SNX31: variants seen among roughly 807,000 people sequenced by gnomAD.
SNX31 encodes the protein sorting nexin-31.
A neutral mutation model predicts 65.4 loss-of-function variants in SNX31; 58 were observed. The observed-to-expected ratio is 0.89, with a 90% CI of 0.72 to 1.10. SNX31 has a LOEUF of 1.10. Ranked by LOEUF, SNX31 falls within the 50% of genes least tolerant of loss-of-function variation. The probability of loss-of-function intolerance (pLI) is 0.00; values close to 1 mark genes in which losing one functional copy is unlikely to be tolerated. For synonymous variants in SNX31, 181 were observed against 190.1 expected, an observed-to-expected ratio of 0.95 and a Z score of 0.39; for missense variants, 523 against 529.7, an observed-to-expected ratio of 0.99 and a Z score of 0.12.
exon 1 of SNX31, chr8:100,663,172 A>T (rs971575214): frequency 4.6e-5 from 7 of 152,202 alleles, no homozygotes; most frequent in African/African-American, 1.7e-4. Flanking sequence ...TACTTGAACG[A>T]CGGGACCATC....
intron 1 of SNX31, among the ~76,000 whole-genome samples, chr8:100,662,675 C>A (rs1235896579): frequency 5.3e-5 from 8 of 152,102 alleles, no homozygotes; most frequent in Non-Finnish European, 1.2e-4. Context: ...CCAGCCTAGG[C>A]CACAGAGCAA....
At chr8:100,583,123 T>G (rs1813706933) in intron 12 of SNX31, among the ~76,000 whole-genome samples, 1 of 151,938 alleles carries the variant, frequency 6.6e-6, no homozygotes, top group South Asian at 2.1e-4. Flanking sequence ...TTTTTTTTTT[T>G]TAAGATGGAG....
rs1818079454 is a variant in SNX31, at chr8:100,626,973, T to C, written c.321+3354A>G. Among the ~76,000 whole-genome samples the C allele has an allele frequency of 6.6e-6, 1 of 152,140 alleles. No individual in the cohort carries two copies. The highest frequency in any genetic ancestry group is 1.9e-4 in the East Asian group (1 of 5,196). On this transcript the variant is annotated intron_variant, in intron 4 of 13. Coordinates refer to ENST00000311812, the MANE Select transcript of SNX31 (RefSeq NM_152628.4). This position sits in a 1 kb window ranked among gnomAD's most constrained non-coding sequence, Gnocchi z 4.4. Reference sequence around the variant, plus strand: ...AGGCACTGAAAAACACAGCTAGAGGTATAAGGCTTTTGTATGAAGTCACAA... The same window carrying C: ...AGGCACTGAAAAACACAGCTAGAGGCATAAGGCTTTTGTATGAAGTCACAA...
In SNX31 at chr8:100,577,493, G is replaced by A. The variant is rs935280071; in HGVS notation, c.1171-418C>T. Among the ~76,000 whole-genome samples the A allele has an allele frequency of 1.5e-4, 23 of 152,256 alleles. No homozygotes were observed. The Middle Eastern group carries it at 0.01, about 68-fold the overall frequency. ...ACGAAGAATCAAAGCGAAGTTCAAG[G>A]CACTTGAATATACCTCATGTACATA... On this transcript the variant is annotated intron_variant, in intron 12 of 13. Coordinates refer to ENST00000311812, the MANE Select transcript of SNX31 (RefSeq NM_152628.4).
Position 100,613,641 on chromosome 8 carries a change from A to G in SNX31, c.433-556T>C, listed in dbSNP as rs1816912840. ...TGTAATTTACTAGGATGTTTGCAAA[A>G]TGAAAACCTCAGATGCCAGGCACAG... On this transcript the variant is annotated intron_variant, in intron 5 of 13. Coordinates refer to ENST00000311812, the MANE Select transcript of SNX31 (RefSeq NM_152628.4). The surrounding 1 kb of genome is among the most constrained non-coding windows in gnomAD (Gnocchi z 5.2). Among the ~76,000 whole-genome samples the G allele has an allele frequency of 6.6e-6, 1 of 152,234 alleles. No homozygotes were observed. The highest frequency in any genetic ancestry group is 2.1e-4 in the South Asian group (1 of 4,828).
At chr8:100,640,586 C>T (rs1420822755) in intron 2 of SNX31, among the ~76,000 whole-genome samples, 3 of 152,168 alleles carry the variant, frequency 2.0e-5, no homozygotes, top group African/African-American at 4.8e-5. Context: ...TACTACCTCA[C>T]CCAGGTGATG....
At position 100,608,582 on chromosome 8, in the gene SNX31, T is replaced by C; in HGVS notation, c.612-19A>G. On this transcript the variant is annotated intron_variant, in intron 7 of 13. Coordinates refer to ENST00000311812, the MANE Select transcript of SNX31 (RefSeq NM_152628.4). ...CATATACCTGCAAAATTCAGGAGTG[T>C]GAAATTCATTCCTGTGACATGGCCC... is the stretch of plus-strand genomic sequence containing the variant. The C allele has an allele frequency of 1.2e-6, 2 of 1,612,504 alleles. No individual in the cohort carries two copies. Among genetic ancestry groups the C allele is most frequent in the East Asian group, 2.2e-5 (1 of 44,856 alleles).
chr8:100,587,734 A>G (rs1340191358), intron 11 of SNX31, among the ~76,000 whole-genome samples: 2 of 152,240 alleles, frequency 1.3e-5, no homozygotes, highest in Admixed American at 6.5e-5. Context: ...TATTTAAAAT[A>G]TCATATAAAA....
intron 7 of SNX31, among the ~76,000 whole-genome samples, chr8:100,608,847 T>C (rs1192955701): frequency 6.6e-6 from 1 of 152,194 alleles, no homozygotes; most frequent in Admixed American, 6.5e-5. Context: ...AGCCTCACTC[T>C]TGGCCACCAA....
chr8:100,632,978 G>A (rs1255450577), intron 3 of SNX31, among the ~76,000 whole-genome samples: 3 of 152,168 alleles, frequency 2.0e-5, no homozygotes, highest in Non-Finnish European at 4.4e-5. Flanking sequence ...AGCATGGAGT[G>A]CAGTGGCAAG....
At chr8:100,590,270 G>C (rs757074652) in intron 10 of SNX31, among the ~76,000 whole-genome samples, 71 of 152,172 alleles carry the variant, frequency 4.7e-4, no homozygotes, top group Non-Finnish European at 8.1e-4. Flanking sequence ...GGGGGCAACA[G>C]ACATTATCCT....
chr8:100,646,311 T>A (rs1417093919), intron 2 of SNX31, among the ~76,000 whole-genome samples: 1 of 152,124 alleles, frequency 6.6e-6, no homozygotes, highest in African/African-American at 2.4e-5. Context: ...CAGGTTATGG[T>A]GGCAAGACAG....
chr8:100,622,583 G>A lies in SNX31; in HGVS notation c.322-4853C>T, dbSNP rs1297815870. ...GGAGAATCACTTGAACCCAGGAGGC[G>A]GAGGTTGCAGTGAACTGAGATTGCA... On this transcript the variant is annotated intron_variant, in intron 4 of 13. Transcript: ENST00000311812. The surrounding 1 kb of genome is among the most constrained non-coding windows in gnomAD (Gnocchi z 5.0). 2.6e-5 allele frequency among the ~76,000 whole-genome samples: 4 copies of A among 151,994 alleles called. No individual in the cohort carries two copies. Among genetic ancestry groups the A allele is most frequent in the African/African-American group, 9.7e-5 (4 of 41,438 alleles).
At chr8:100,663,355 C>G (rs866826217) in exon 1 of SNX31, 1 of 152,206 alleles carries the variant, frequency 6.6e-6, no homozygotes, top group Non-Finnish European at 1.5e-5. Context: ...TAGCTCTTTT[C>G]TCGACAGTAC....
chr8:100,641,685 A>G (rs1209479924), intron 2 of SNX31, among the ~76,000 whole-genome samples: 2 of 124,184 alleles, frequency 1.6e-5, no homozygotes, highest in Non-Finnish European at 3.3e-5. Context: ...GTAGCCATTT[A>G]AGTTTGCAAT....
At chr8:100,605,591 C>T (rs758917345) in intron 8 of SNX31, among the ~76,000 whole-genome samples, 3 of 152,254 alleles carry the variant, frequency 2.0e-5, no homozygotes, top group Middle Eastern at 3.4e-3. Context: ...AGGGAGATGT[C>T]GTGGTTCAGA....
rs768801810 is a variant in SNX31 at position 100,617,645 on chromosome 8, G to A, written c.407C>T (p.Ser136Leu). 15 of 1,612,110 alleles carry A rather than the reference G, an allele frequency of 9.3e-6. No individual in the cohort carries two copies. The highest frequency in any genetic ancestry group is 5.4e-5 in the African/African-American group (4 of 74,752). The stretch of plus-strand genomic sequence containing the variant: ...CTCTAGGACTCTTTCAGCAGTGTCT[G>A]ATGTTATAATTTCGATTCTAATACT... The part of the protein sequence containing the change: ...EQSIRIEIIT[S>L]DTAERVLEVV... Residue 136 changes from serine to leucine, a missense_variant, in exon 5 of 14, where the codon TCA becomes TTA. Ser to Leu is a moderately radical substitution (Grantham distance 145). Transcript: ENST00000311812.
At chr8:100,659,814 A>T (rs955768170) in intron 1 of SNX31, among the ~76,000 whole-genome samples, 3 of 152,098 alleles carry the variant, frequency 2.0e-5, no homozygotes, top group African/African-American at 7.2e-5. Flanking sequence ...TGGCTTTATA[A>T]GTTACCCCCA....
At chr8:100,595,616 G>C (rs1286494348) in intron 10 of SNX31, among the ~76,000 whole-genome samples, 1 of 152,174 alleles carries the variant, frequency 6.6e-6, no homozygotes, top group Admixed American at 6.5e-5. Flanking sequence ...AGAAAAGTCA[G>C]AGATAACTTC....
Sources: gnomAD v4.1 joint callset for allele counts (sites outside exome capture counted in the v4.1 genomes callset) on GRCh38, gnomAD v4.1.1 for gene constraint, Gnocchi (gnomAD v3.1) non-coding constraint, MANE v1.5 for transcripts, NCBI Gene and HGNC (gene_info 2026-07-23, HGNC 2026-07-21) for gene names.